The following ARHGEF3 variants were observed in gnomAD, a reference collection of about 807,000 sequenced individuals.
The protein encoded by ARHGEF3 is Rho guanine nucleotide exchange factor 3.
Under a neutral mutation model 63.2 loss-of-function variants are expected in ARHGEF3, and 28 were observed. The observed-to-expected ratio is 0.44, with a 90% CI of 0.33 to 0.61. The LOEUF is 0.61. Ranked by LOEUF, ARHGEF3 falls within the 20% of genes least tolerant of loss-of-function variation. The pLI, the probability that ARHGEF3 is intolerant of heterozygous loss-of-function variation, is 0.03. For missense variants in ARHGEF3, 533 were observed against 659.3 expected (o/e 0.81, Z 2.10); for synonymous variants, 266 against 254.2 (o/e 1.05, Z -0.44).
At chr3:57,050,641 G>A (rs1396246497) in intron 1 of ARHGEF3, among the ~76,000 whole-genome samples, 2 of 152,176 alleles carry the variant, frequency 1.3e-5, no homozygotes, top group African/African-American at 2.4e-5. Flanking sequence ...GGGCCAGAGT[G>A]GGAAGGAAAG....
intron 1 of ARHGEF3, among the ~76,000 whole-genome samples, chr3:56,789,491 T>C (rs1176090294): frequency 2.0e-5 from 3 of 152,228 alleles, no homozygotes; most frequent in Non-Finnish European, 4.4e-5. Flanking sequence ...CTATAACACA[T>C]TAAAGCCAAT....
chr3:56,963,423 A>C (rs2106776242), intron 2 of ARHGEF3, among the ~76,000 whole-genome samples: 1 of 152,334 alleles, frequency 6.6e-6, no homozygotes, highest in South Asian at 2.1e-4. Flanking sequence ...TCAATGTGTT[A>C]TGAATATTTG....
chr3:57,007,121 G>T, intron 2 of ARHGEF3: 1 of 1,198,858 alleles, frequency 8.3e-7, no homozygotes, highest in Non-Finnish European at 1.1e-6. Context: ...ACAGTTACTT[G>T]TGCACTTTTG....
intron 1 of ARHGEF3, among the ~76,000 whole-genome samples, chr3:57,045,353 T>A (rs903501727): frequency 6.6e-6 from 1 of 152,222 alleles, no homozygotes; most frequent in Non-Finnish European, 1.5e-5. Flanking sequence ...ACACTCAGTA[T>A]GTTTTTGTTG....
At chr3:57,019,084 T>C (rs1703139350) in intron 2 of ARHGEF3, among the ~76,000 whole-genome samples, 1 of 152,166 alleles carries the variant, frequency 6.6e-6, no homozygotes. Flanking sequence ...CCACAGTGGG[T>C]AGCTGGCCCA....
intron 3 of ARHGEF3, among the ~76,000 whole-genome samples, chr3:56,935,009 C>G (rs2042520277): frequency 6.6e-6 from 1 of 152,210 alleles, no homozygotes; most frequent in African/African-American, 2.4e-5. Context: ...GTGTCTAGCT[C>G]AGGGTTTGTG....
chr3:57,008,411 A>G (rs1371900658), intron 2 of ARHGEF3, among the ~76,000 whole-genome samples: 1 of 151,540 alleles, frequency 6.6e-6, no homozygotes, highest in African/African-American at 2.4e-5. Context: ...ACAGAAACAC[A>G]CTGTCTGGAT....
intron 7 of ARHGEF3, among the ~76,000 whole-genome samples, chr3:56,743,154 C>T (rs942658318): frequency 6.6e-6 from 1 of 152,214 alleles, no homozygotes; most frequent in Non-Finnish European, 1.5e-5. Flanking sequence ...TGGGCCTCAA[C>T]CCCAGCGACT....
chr3:56,776,612 T>G (rs1559930396), intron 1 of ARHGEF3, among the ~76,000 whole-genome samples: 1 of 152,174 alleles, frequency 6.6e-6, no homozygotes, highest in African/African-American at 2.4e-5. Flanking sequence ...TCTTTTCCAT[T>G]TACTCAATAT....
At chr3:57,047,828 G>C (rs1704521669) in intron 1 of ARHGEF3, among the ~76,000 whole-genome samples, 1 of 152,194 alleles carries the variant, frequency 6.6e-6, no homozygotes, top group Admixed American at 6.5e-5. Context: ...GCAGGAGATA[G>C]AATCTGAAGC....
intron 3 of ARHGEF3, among the ~76,000 whole-genome samples, chr3:56,906,885 G>T (rs2041701236): frequency 6.7e-6 from 1 of 149,520 alleles, no homozygotes; most frequent in South Asian, 2.1e-4. Context: ...GAGTTAAAAT[G>T]TACTGTTAAA....
At chr3:56,834,531 G>A (rs1411385991) in intron 4 of ARHGEF3, among the ~76,000 whole-genome samples, 8 of 152,130 alleles carry the variant, frequency 5.3e-5, no homozygotes, top group African/African-American at 1.9e-4. Context: ...TTGGGAGGCC[G>A]AGGTGGGTGG....
rs2034983653 is a variant in ARHGEF3 at position 56,755,054 on chromosome 3, C to G, written c.302G>C (p.Ser101Thr). ...ATCGAAGGTCTCACTCCACAGCTTGCTATCTCTCCGTTTCGTGCTCGAGGG... is the reference window on the plus strand; with the variant it reads ...ATCGAAGGTCTCACTCCACAGCTTGGTATCTCTCCGTTTCGTGCTCGAGGG... Reference protein sequence around the residue: ...AAPSSTKRRDSKLWSETFDVC... With the variant: ...AAPSSTKRRDTKLWSETFDVC... The change falls in exon 3 of 10, where the codon AGC (serine) becomes ACC (threonine). Residue 101 changes from serine to threonine, a missense_variant. Physicochemically the swap from Ser to Thr is moderately conservative, Grantham distance 58. Coordinates refer to ENST00000296315, the MANE Select transcript of ARHGEF3 (RefSeq NM_019555.3). The G allele has an allele frequency of 6.2e-7, 1 of 1,614,022 alleles. No individual in the cohort carries two copies. Among genetic ancestry groups the G allele is most frequent in the South Asian group, 1.1e-5 (1 of 91,084 alleles).
chr3:57,002,479 T>TATATATATATATATATATATTTTTTATA (rs1285310560), intron 2 of ARHGEF3, among the ~76,000 whole-genome samples: 1 of 39,472 alleles, frequency 2.5e-5, no homozygotes, highest in East Asian at 7.7e-4. Context: ...TATATATATG[T>TATATATATATATATATATATTTTTTATA]TATATATATA....
chr3:57,035,497 C>T (rs13088236), intron 1 of ARHGEF3, among the ~76,000 whole-genome samples: 17,947 of 152,234 alleles, frequency 0.12, 1,408 homozygotes, highest in Non-Finnish European at 0.17. Context: ...TACAGGCACA[C>T]GCCACCACAC....
At chr3:56,860,394 G>C (rs1248344489) in intron 4 of ARHGEF3, among the ~76,000 whole-genome samples, 2 of 152,048 alleles carry the variant, frequency 1.3e-5, no homozygotes, top group Non-Finnish European at 2.9e-5. Context: ...TGTTGCCCAG[G>C]CTGGTCTCTA....
chr3:57,078,886 C>G (rs1177965357), intron 1 of ARHGEF3: 1 of 223,198 alleles, frequency 4.5e-6, no homozygotes, highest in African/African-American at 2.3e-5. Flanking sequence ...AATTTTCGCT[C>G]AAGGGGCTAC....
intron 4 of ARHGEF3, among the ~76,000 whole-genome samples, chr3:56,866,757 A>G (rs554632045): frequency 3.3e-5 from 5 of 152,376 alleles, no homozygotes; most frequent in African/African-American, 1.2e-4. Flanking sequence ...CTGTAACCAC[A>G]TGGTGGGCAC....
intron 4 of ARHGEF3, among the ~76,000 whole-genome samples, chr3:56,845,601 T>A (rs1305121721): frequency 6.6e-6 from 1 of 152,236 alleles, no homozygotes; most frequent in Non-Finnish European, 1.5e-5. Context: ...CGTTTTAATA[T>A]ATGATGTTCC....
Sources: gnomAD v4.1 joint callset for allele counts (sites outside exome capture counted in the v4.1 genomes callset) on GRCh38, gnomAD v4.1.1 for gene constraint, MANE v1.5 for transcripts, NCBI Gene and HGNC (gene_info 2026-07-23, HGNC 2026-07-21) for gene names.